The following CRIPTO3 variants were observed in gnomAD, a reference collection of about 807,000 sequenced individuals.
CRIPTO3 encodes the protein protein CRIPTO3.
At chrX:110,522,147 C>A in the CRIPTO3 span, 1 of 271,314 alleles carries the variant, frequency 3.7e-6, no homozygotes. Context: ...TTAGTAGAGA[C>A]GGGGGTTTCA....
chrX:110,522,530 G>A, the CRIPTO3 span: 2 of 110,704 alleles, frequency 1.8e-5, no homozygotes, highest in African/African-American at 6.6e-5. Context: ...AGAAGAGAGA[G>A]GTTGAAAAAC....
At chrX:110,521,354 T>G in the CRIPTO3 span, 9 of 1,211,176 alleles carry the variant, frequency 7.4e-6, no homozygotes, top group East Asian at 5.9e-5. Flanking sequence ...TACAGCACAG[T>G]AAGGAGCTAA....
At chrX:110,522,116 C>T in the CRIPTO3 span, 20 of 309,898 alleles carry the variant, frequency 6.5e-5, no homozygotes, top group Admixed American at 4.0e-4. Flanking sequence ...TCACCATGCC[C>T]GGCTAATTTT....
the CRIPTO3 span, chrX:110,522,908 T>TAAAAAAAA: frequency 2.5e-5 from 2 of 80,306 alleles, no homozygotes; most frequent in Non-Finnish European, 2.4e-5. Context: ...TATATTGACC[T>TAAAAAAAA]AAAAAAAAAA....
At chrX:110,521,507 G>T in the CRIPTO3 span, 1 of 1,210,028 alleles carries the variant, frequency 8.3e-7, no homozygotes, top group Admixed American at 2.2e-5. Flanking sequence ...GGCTGCCCAA[G>T]AAGTGTTCCC....
the CRIPTO3 span, chrX:110,521,530 G>A: frequency 8.3e-7 from 1 of 1,211,750 alleles, no homozygotes; most frequent in South Asian, 1.8e-5. Context: ...TGTAAATGCT[G>A]GCACGGTCAG....
chrX:110,521,537 T>C, the CRIPTO3 span: 1 of 1,211,683 alleles, frequency 8.3e-7, no homozygotes, highest in African/African-American at 1.7e-5. Flanking sequence ...GCTGGCACGG[T>C]CAGCTCCGCT....
At chrX:110,521,062 G>A in the CRIPTO3 span, 1 of 920,218 alleles carries the variant, frequency 1.1e-6, no homozygotes, top group Non-Finnish European at 1.6e-6. Flanking sequence ...TTTTCCTTTG[G>A]CTGTTTTGGC....
At chrX:110,521,258 C>T in the CRIPTO3 span, 34 of 1,179,018 alleles carry the variant, frequency 2.9e-5, no homozygotes, top group South Asian at 5.9e-4. Flanking sequence ...CTCGGGGAGA[C>T]CTGGCCTTCA....
chrX:110,521,370 A>T, the CRIPTO3 span: 5 of 1,209,955 alleles, frequency 4.1e-6, no homozygotes, highest in African/African-American at 8.7e-5. Flanking sequence ...GCTAAACAGA[A>T]CCTGCTGCCT....
chrX:110,521,223 G>A, the CRIPTO3 span: 2 of 1,153,883 alleles, frequency 1.7e-6, no homozygotes, highest in African/African-American at 1.8e-5. Flanking sequence ...TGCCGGGCTG[G>A]GCCATCAGGA....
the CRIPTO3 span, chrX:110,521,407 C>T: frequency 2.6e-4 from 318 of 1,210,156 alleles, no homozygotes; most frequent in Non-Finnish European, 3.4e-4. Context: ...ATGCTGGAGT[C>T]CTTTTGTGCC....
chrX:110,521,873 A>T, the CRIPTO3 span: 1 of 476,766 alleles, frequency 2.1e-6, no homozygotes. Context: ...ACTACTTCTT[A>T]CCTCTTTGCC....
At chrX:110,522,179 C>T in the CRIPTO3 span, 3 of 221,860 alleles carry the variant, frequency 1.4e-5, no homozygotes, top group South Asian at 1.4e-4. Context: ...AGCCTGGTCT[C>T]GAACTCCTGA....
chrX:110,521,057 C>T, the CRIPTO3 span: 4 of 904,828 alleles, frequency 4.4e-6, no homozygotes, highest in Non-Finnish European at 6.5e-6. Context: ...GAATGTTTTC[C>T]TTTGGCTGTT....
At chrX:110,521,370 A>G in the CRIPTO3 span, 1 of 1,211,459 alleles carries the variant, frequency 8.3e-7, no homozygotes, top group Non-Finnish European at 1.1e-6. Flanking sequence ...GCTAAACAGA[A>G]CCTGCTGCCT....
At chrX:110,521,424 C>T in the CRIPTO3 span, 2 of 1,211,646 alleles carry the variant, frequency 1.7e-6, no homozygotes, top group Admixed American at 4.3e-5. Flanking sequence ...TGCCTGCCCT[C>T]CCTCCTTCTA....
chrX:110,521,744 T>C, the CRIPTO3 span: 51 of 1,032,082 alleles, frequency 4.9e-5, no homozygotes, highest in Admixed American at 9.2e-4. Flanking sequence ...ATTATGCAAA[T>C]TTCATGACCC....
chrX:110,521,113 C>G, the CRIPTO3 span: 12 of 1,141,517 alleles, frequency 1.1e-5, no homozygotes, highest in East Asian at 3.3e-4. Context: ...CTCTTTTCCC[C>G]CTAATTGTTA....
Sources: gnomAD v4.1 joint callset for allele counts on GRCh38, gnomAD v4.1.1 for gene constraint, MANE v1.5 for transcripts, NCBI Gene and HGNC (gene_info 2026-07-23, HGNC 2026-07-21) for gene names.